Variants in COL25A1 observed in about 807,000 individuals in gnomAD.
COL25A1 encodes the protein collagen alpha-1(XXV) chain.
A neutral mutation model predicts 128.4 loss-of-function variants in COL25A1; 103 were observed. That is an observed-to-expected ratio of 0.80 (90% CI 0.68 to 0.94). The LOEUF (loss-of-function observed/expected upper bound fraction) is 0.94, where lower values mean the gene tolerates loss of function less well. COL25A1 is among the 40% of genes least tolerant of loss of function. The pLI is 0.00. For synonymous variants in COL25A1, 279 were observed against 277.2 expected (o/e 1.01, Z -0.06); for missense variants, 745 against 840.0 (o/e 0.89, Z 1.40).
chr4:109,043,567 T>C (rs891316009), intron 5 of COL25A1, among the ~76,000 whole-genome samples: 38 of 138,872 alleles, frequency 2.7e-4, no homozygotes, highest in Admixed American at 6.0e-4. Flanking sequence ...GATAGACTGA[T>C]ACAAATAAAA....
In COL25A1 at chr4:108,834,228, C is replaced by T. The variant is rs117788317; in HGVS notation, c.1657-1795G>A. On this transcript the variant is annotated intron_variant, in intron 31 of 37. Transcript: ENST00000399132. ...TTTGCCGCCATCTTTGTCCACCTTC[C>T]CCTTTTACTCCAGCTCTAAGTACAC... The T allele has an allele frequency of 3.3e-4, 316 of 955,254 alleles. No individual in the cohort carries two copies. The East Asian group carries it at 7.6e-3, about 23-fold the overall frequency. The allele number at this position is 955,254 out of a possible 1,614,324, so 59.2% of individuals were successfully genotyped here.
At chr4:108,943,946 GC>G (rs1748437013) in intron 8 of COL25A1, among the ~76,000 whole-genome samples, 1 of 151,800 alleles carries the variant, frequency 6.6e-6, no homozygotes, top group Non-Finnish European at 1.5e-5. Context: ...TTTTAGGAAA[GC>G]CCAGGAAATT....
At chr4:109,033,230 T>C (rs1053520663) in intron 5 of COL25A1, among the ~76,000 whole-genome samples, 1 of 152,244 alleles carries the variant, frequency 6.6e-6, no homozygotes, top group African/African-American at 2.4e-5. Flanking sequence ...TATAGGTGTA[T>C]GAAGCATGAA....
chr4:109,135,764 A>G (rs1031552179), intron 3 of COL25A1, among the ~76,000 whole-genome samples: 1 of 152,212 alleles, frequency 6.6e-6, no homozygotes, highest in African/African-American at 2.4e-5. Context: ...AAGTTATATA[A>G]AACAGAAATT....
chr4:108,943,905 C>A lies in COL25A1; in HGVS notation c.493-2468G>T, dbSNP rs372240913. Among the ~76,000 whole-genome samples, 18 of 151,666 alleles carry A rather than the reference C, an allele frequency of 1.2e-4. No homozygotes were observed. In the East Asian group the frequency reaches 3.1e-3, roughly 26 times the overall value. ...CAGCAATACATGGCCTAGGCTCTCC[C>A]TCTTCCCACCCAAATTTATCTTGTG... On this transcript the variant is annotated intron_variant, in intron 8 of 37. Coordinates refer to ENST00000399132, the MANE Select transcript of COL25A1 (RefSeq NM_198721.4).
chr4:109,289,528 A>G (rs1276600836), intron 3 of COL25A1, among the ~76,000 whole-genome samples: 2 of 152,090 alleles, frequency 1.3e-5, no homozygotes, highest in Non-Finnish European at 1.5e-5. Flanking sequence ...ATGTTTTCTC[A>G]GTTATGCTGC....
chr4:108,907,340 G>A (rs1045040342), intron 13 of COL25A1, among the ~76,000 whole-genome samples: 9 of 152,150 alleles, frequency 5.9e-5, no homozygotes, highest in African/African-American at 7.2e-5. Flanking sequence ...GGGCATTGCC[G>A]ACATTTCCAT....
chr4:109,224,795 C>G (rs1220367167), intron 3 of COL25A1, among the ~76,000 whole-genome samples: 3 of 152,064 alleles, frequency 2.0e-5, no homozygotes, highest in African/African-American at 7.2e-5. Flanking sequence ...CAAAAATTAG[C>G]CGGGTGTGGT....
intron 6 of COL25A1, among the ~76,000 whole-genome samples, chr4:108,988,798 C>T (rs935641252): frequency 6.6e-6 from 1 of 152,220 alleles, no homozygotes; most frequent in African/African-American, 2.4e-5. Context: ...CCATTTCTCC[C>T]TTAGCTTCAC....
intron 32 of COL25A1, among the ~76,000 whole-genome samples, chr4:108,827,841 CA>C (rs1329257741): frequency 6.6e-6 from 1 of 152,026 alleles, no homozygotes; most frequent in Non-Finnish European, 1.5e-5. Context: ...TTCCTTCTAT[CA>C]AAAAACAATT....
chr4:109,070,411 T>C (rs1450836309), intron 3 of COL25A1, among the ~76,000 whole-genome samples: 2 of 152,134 alleles, frequency 1.3e-5, no homozygotes, highest in Non-Finnish European at 2.9e-5. Flanking sequence ...CCATGTTATG[T>C]CAATCTTCAT....
chr4:109,022,691 A>C (rs2125902830), intron 5 of COL25A1, among the ~76,000 whole-genome samples: 1 of 152,330 alleles, frequency 6.6e-6, no homozygotes, highest in East Asian at 1.9e-4. Flanking sequence ...TTTTGGGAAG[A>C]GCCACATAGG....
chr4:108,983,892 G>A (rs966031200), intron 6 of COL25A1, among the ~76,000 whole-genome samples: 1 of 152,294 alleles, frequency 6.6e-6, no homozygotes, highest in African/African-American at 2.4e-5. Context: ...ATTGCAAAGA[G>A]CAAAAGAACA....
chr4:108,976,556 C>T (rs763285353), intron 6 of COL25A1, among the ~76,000 whole-genome samples: 15 of 152,010 alleles, frequency 9.9e-5, no homozygotes, highest in Non-Finnish European at 2.2e-4. Context: ...TTCAGCCCAC[C>T]TGAGGAGCTG....
chr4:108,912,524 G>A (rs1213974281), intron 13 of COL25A1, among the ~76,000 whole-genome samples: 3 of 151,998 alleles, frequency 2.0e-5, no homozygotes, highest in Non-Finnish European at 4.4e-5. Flanking sequence ...TAAACATACT[G>A]CATAATAAAT....
intron 3 of COL25A1, among the ~76,000 whole-genome samples, chr4:109,244,114 GGAA>G (rs1780094071): frequency 6.7e-6 from 1 of 150,356 alleles, no homozygotes; most frequent in African/African-American, 2.5e-5. Context: ...TATCTATCCC[GGAA>G]GAAGTAAAGA....
rs200071713 is a variant in COL25A1 at position 109,301,963 on chromosome 4, G to A, written c.57C>T (p.Asp19=). ...CACAATGCTGTTCGGCAGGGGTCGG[G>A]TCCTCGGATCTGGGCTCCCGGCCCC... ...KGGGREPRSE[D]PTPAEQHCAR... The change falls in exon 2 of 38, where the codon GAC becomes GAT. Residue 19 remains aspartate (D), a synonymous_variant. Transcript: ENST00000399132. The A allele has an allele frequency of 6.0e-5, 96 of 1,611,626 alleles. No individual in the cohort carries two copies. The highest frequency in any genetic ancestry group is 7.7e-5 in the Non-Finnish European group (91 of 1,179,222).
At chr4:108,845,322 C>A in intron 28 of COL25A1, 71 bp from the exon 29 acceptor site, 1 of 1,188,174 alleles carries the variant, frequency 8.4e-7, no homozygotes, top group South Asian at 1.2e-5. Flanking sequence ...TGAATTTTCT[C>A]CCCAAACCCA....
intron 3 of COL25A1, among the ~76,000 whole-genome samples, chr4:109,141,650 G>A (rs1770416453): frequency 6.6e-6 from 1 of 152,080 alleles, no homozygotes. Context: ...CTTCTTCCTG[G>A]TTTAGTCTTG....
Sources: gnomAD v4.1 joint callset for allele counts (sites outside exome capture counted in the v4.1 genomes callset) on GRCh38, gnomAD v4.1.1 for gene constraint, MANE v1.5 for transcripts, NCBI Gene and HGNC (gene_info 2026-07-23, HGNC 2026-07-21) for gene names.